Variants in STPG2 observed in about 807,000 individuals in gnomAD.
The protein encoded by STPG2 is sperm-tail PG-rich repeat-containing protein 2.
A neutral mutation model predicts 54.2 loss-of-function variants in STPG2; 56 were observed. The observed-to-expected ratio is 1.03, with a 90% CI of 0.83 to 1.29. The LOEUF is 1.29. Ranked by LOEUF, STPG2 falls within the 50% of genes most tolerant of loss-of-function variation. The pLI, the probability that STPG2 is intolerant of heterozygous loss-of-function variation, is 0.00. For synonymous variants in STPG2, 200 were observed against 181.8 expected (o/e 1.10, Z -0.81); for missense variants, 596 against 544.9 (o/e 1.09, Z -0.93).
At chr4:97,857,423 C>T (rs1043070880) in intron 8 of STPG2, among the ~76,000 whole-genome samples, 1 of 152,026 alleles carries the variant, frequency 6.6e-6, no homozygotes, top group Non-Finnish European at 1.5e-5. Context: ...ATTATTTCTT[C>T]TAGAATTTCT....
intron 8 of STPG2, among the ~76,000 whole-genome samples, chr4:97,857,701 CAA>C (rs1347006631): frequency 6.6e-6 from 1 of 151,640 alleles, no homozygotes; most frequent in Non-Finnish European, 1.5e-5. Flanking sequence ...AAACAAGGCA[CAA>C]GAGACCAATC....
At chr4:97,641,062 T>C (rs1360698291) in intron 10 of STPG2, among the ~76,000 whole-genome samples, 1 of 151,668 alleles carries the variant, frequency 6.6e-6, no homozygotes, top group Non-Finnish European at 1.5e-5. Flanking sequence ...TCTTTCTCTC[T>C]AAAATTGGGG....
chr4:97,890,766 A>G (rs888508860), intron 8 of STPG2, among the ~76,000 whole-genome samples: 1 of 152,042 alleles, frequency 6.6e-6, no homozygotes, highest in Admixed American at 6.6e-5. Context: ...TATACACTAT[A>G]TAAAGGTATC....
intron 8 of STPG2, among the ~76,000 whole-genome samples, chr4:97,877,682 G>A (rs940651063): frequency 6.6e-6 from 1 of 152,122 alleles, no homozygotes; most frequent in African/African-American, 2.4e-5. Context: ...CACAACATGG[G>A]GGAATTACGG....
chr4:97,517,250 G>A (rs1036238823), intron 4 of STPG2, among the ~76,000 whole-genome samples: 6 of 151,980 alleles, frequency 3.9e-5, no homozygotes, highest in Non-Finnish European at 5.9e-5. Context: ...GCAGTGTCTC[G>A]TGCTTATCCC....
chr4:97,550,448 A>C (rs1455738518), intron 4 of STPG2, among the ~76,000 whole-genome samples: 1 of 152,174 alleles, frequency 6.6e-6, no homozygotes, highest in East Asian at 1.9e-4. Flanking sequence ...TGGAGTGAAA[A>C]AGGATACGGG....
At chr4:97,703,001 G>A (rs950252002) in intron 10 of STPG2, among the ~76,000 whole-genome samples, 13 of 152,136 alleles carry the variant, frequency 8.5e-5, no homozygotes, top group East Asian at 3.9e-4. Flanking sequence ...GTTAGAATCC[G>A]TAGATTCATC....
At chr4:97,915,179 G>A (rs1262458772) in intron 8 of STPG2, among the ~76,000 whole-genome samples, 2 of 152,008 alleles carry the variant, frequency 1.3e-5, no homozygotes, top group African/African-American at 4.8e-5. Context: ...ACTCACTATG[G>A]GAAGTACTGT....
chr4:97,948,068 T>C (rs1036890322), intron 7 of STPG2, among the ~76,000 whole-genome samples: 15 of 151,966 alleles, frequency 9.9e-5, no homozygotes, highest in Non-Finnish European at 1.9e-4. Flanking sequence ...TTTTAATTAC[T>C]GATTTAATAT....
intron 4 of STPG2, among the ~76,000 whole-genome samples, chr4:97,530,694 C>G (rs1043860623): frequency 9.2e-5 from 14 of 152,174 alleles, no homozygotes; most frequent in South Asian, 2.1e-4. Flanking sequence ...ATCAGGTGAG[C>G]AATCACAATA....
At chr4:97,625,414 A>G (rs112250380) in intron 10 of STPG2, among the ~76,000 whole-genome samples, 2 of 152,220 alleles carry the variant, frequency 1.3e-5, no homozygotes, top group African/African-American at 2.4e-5. Context: ...GGTTCAAGCA[A>G]TTCTTCTGCC....
intron 9 of STPG2, among the ~76,000 whole-genome samples, chr4:97,740,396 C>G (rs1397809476): frequency 6.6e-6 from 1 of 152,012 alleles, no homozygotes; most frequent in Non-Finnish European, 1.5e-5. Context: ...AAAGGGTATT[C>G]AATTAGGAAA....
chr4:97,529,314 G>A (rs1369650740), intron 4 of STPG2, among the ~76,000 whole-genome samples: 2 of 152,156 alleles, frequency 1.3e-5, no homozygotes, highest in Non-Finnish European at 2.9e-5. Context: ...AACCAGCCTT[G>A]CATCCCAGGG....
chr4:98,100,662 C>CTTTTTTTTT (rs1166820709), intron 5 of STPG2, among the ~76,000 whole-genome samples: 440 of 116,708 alleles, frequency 3.8e-3, no homozygotes, highest in African/African-American at 4.7e-3. Flanking sequence ...CTTTTTCTTT[C>CTTTTTTTTT]TTTTTTTTTT....
chr4:98,134,420 CT>C lies in STPG2; in HGVS notation c.148del (p.Ser50ValfsTer60). 1 of 1,589,686 alleles carries C rather than the reference CT, an allele frequency of 6.3e-7. No individual in the cohort carries two copies. The highest frequency in any genetic ancestry group is 8.6e-7 in the Non-Finnish European group (1 of 1,165,596). ...AATGCTAGAGGCAATGGTAAAAGTA[CT>C]TTCTCTGGCAGTCAAAGAAAGAAAT... ...APFLSLTARE[S>X]TFTIASSIEK... is the part of the protein sequence containing the mutation. On this transcript the variant is annotated frameshift_variant, in exon 2 of 11. Transcript: ENST00000295268. LOFTEE classifies it high-confidence loss of function.
At chr4:98,093,431 C>T (rs7663438) in intron 5 of STPG2, among the ~76,000 whole-genome samples, 60,170 of 151,954 alleles carry the variant, frequency 0.4, 12,159 homozygotes, top group Middle Eastern at 0.46. Flanking sequence ...TATTATTACA[C>T]ATTTTGTTGC....
intron 8 of STPG2, among the ~76,000 whole-genome samples, chr4:97,907,099 AT>A (rs1242821671): frequency 6.6e-6 from 1 of 152,202 alleles, no homozygotes; most frequent in East Asian, 2.0e-4. Flanking sequence ...AGACGACATG[AT>A]TGTATATCTA....
At chr4:97,484,517 AT>A (rs553088954) in intron 4 of STPG2, among the ~76,000 whole-genome samples, 15 of 151,988 alleles carry the variant, frequency 9.9e-5, no homozygotes, top group African/African-American at 3.6e-4. Flanking sequence ...ATCAGGAAGA[AT>A]TAGATACTCT....
intron 4 of STPG2, among the ~76,000 whole-genome samples, chr4:97,519,280 C>T (rs1024337254): frequency 6.6e-6 from 1 of 152,016 alleles, no homozygotes; most frequent in African/African-American, 2.4e-5. Flanking sequence ...GGGAAGGGTG[C>T]TTATCATCTC....
Sources: allele counts gnomAD v4.1 joint callset (sites outside exome capture counted in the v4.1 genomes callset), GRCh38; gene constraint gnomAD v4.1.1; transcripts MANE v1.5; gene names NCBI Gene and HGNC (gene_info 2026-07-23, HGNC 2026-07-21).